Variants in FCAMR observed in about 807,000 individuals in gnomAD.
FCAMR encodes the protein high affinity immunoglobulin alpha and immunoglobulin mu Fc receptor.
In FCAMR, 51 loss-of-function variants were observed where a neutral mutation model predicts 52.2. The ratio of observed to expected loss-of-function variants is 0.98; its 90% CI spans 0.78 to 1.23. The LOEUF is 1.23. Among genes scored for constraint, FCAMR ranks in the 50% most tolerant of loss-of-function variants. The pLI is 0.00. For synonymous variants in FCAMR, 282 were observed against 262.0 expected, an observed-to-expected ratio of 1.08 and a Z score of -0.74; for missense variants, 719 against 712.6, an observed-to-expected ratio of 1.01 and a Z score of -0.10.
chr1:206,961,370 A>G lies in FCAMR; in HGVS notation c.653-147T>C, dbSNP rs973163836. 5 of 638,500 alleles carry G rather than the reference A, an allele frequency of 7.8e-6. No homozygotes were observed. The African/African-American group carries it at 9.1e-5, about 12-fold the overall frequency. The allele number at this position is 638,500 out of a possible 1,614,324, so 39.6% of individuals were successfully genotyped here. A position where few individuals can be genotyped will look rare whatever the true frequency, so the allele number is the denominator to read the frequency against. On this transcript the variant is annotated intron_variant, in intron 5 of 7. Coordinates refer to ENST00000324852, the MANE Select transcript of FCAMR (RefSeq NM_001170631.2). The stretch of plus-strand genomic sequence containing the variant: ...CTTTGACCAATAGGTTGGATAAAAT[A>G]AAAAATAGGAAAATGTTTCATTCTC...
intron 1 of FCAMR, among the ~76,000 whole-genome samples, chr1:206,969,837 A>G (rs112877657): frequency 3.8e-4 from 58 of 152,234 alleles, no homozygotes; most frequent in African/African-American, 1.0e-3. Flanking sequence ...TTCTCTTTCT[A>G]ACGTTTTTTT....
intron 1 of FCAMR, among the ~76,000 whole-genome samples, chr1:206,968,361 G>T (rs1558028532): frequency 6.6e-6 from 1 of 152,216 alleles, no homozygotes; most frequent in East Asian, 1.9e-4. Context: ...AAAAGACAGA[G>T]ATTGTACATT....
intron 6 of FCAMR, chr1:206,960,114 G>T: frequency 4.1e-6 from 2 of 493,360 alleles, no homozygotes; most frequent in Non-Finnish European, 3.6e-6. Flanking sequence ...TTTCCTTGTG[G>T]CTTCAGTGCA....
chr1:206,963,798 C>T (rs1680601425), intron 4 of FCAMR, among the ~76,000 whole-genome samples: 1 of 152,208 alleles, frequency 6.6e-6, no homozygotes, highest in South Asian at 2.1e-4. Flanking sequence ...ATGACCAAGG[C>T]TGCCTCTTTT....
rs1680489807 is a variant in FCAMR, at chr1:206,961,012, C to A, written c.864G>T (p.Arg288Ser). Residue 288 changes from arginine to serine, a missense_variant, in exon 6 of 8, where the codon AGG (arginine) becomes AGT (serine). Physicochemically the swap from Arg to Ser is moderately radical, Grantham distance 110. Transcript: ENST00000324852. ...AEGRRTPGAT[R>S]PAAPGTGSWA... is the part of the protein sequence containing the mutation. ...AGCTGCCTGTCCCTGGAGCTGCTGG[C>A]CTGGTTGCTCCTGGGGTTCGTCTTC... 6.4e-7 allele frequency: 1 copy of A among 1,551,752 alleles called. No homozygotes were observed. The highest frequency in any genetic ancestry group is 8.7e-7 in the Non-Finnish European group (1 of 1,147,044).
rs973715261 is a variant in FCAMR at position 206,960,508 on chromosome 1, A to T, written c.1368T>A (p.Thr456=). 2 of 1,551,420 alleles carry T rather than the reference A, an allele frequency of 1.3e-6. No individual in the cohort carries two copies. The highest frequency in any genetic ancestry group is 1.7e-6 in the Non-Finnish European group (2 of 1,146,878). The part of the protein sequence containing the change: ...GSAAGDLDAA[T]GDRGPQATLS... ...GTGTTGCTTGGGGACCTCTGTCTCC[A>T]GTGGCAGCATCTAGGTCCCCTGCAG... The change falls in exon 6 of 8, where the codon ACT becomes ACA. Residue 456 remains threonine, a synonymous_variant. Coordinates refer to ENST00000324852, the MANE Select transcript of FCAMR (RefSeq NM_001170631.2).
chr1:206,961,184 C>T lies in FCAMR; in HGVS notation c.692G>A (p.Gly231Glu), dbSNP rs1419513842. Residue 231 changes from glycine (G) to glutamate (E), a missense_variant, in exon 6 of 8, where the codon GGG (glycine) becomes GAG (glutamate). Coordinates refer to ENST00000324852, the MANE Select transcript of FCAMR (RefSeq NM_001170631.2). ...TCCATAGGATCTCATGGTGAGCTCC[C>T]CAGCAGCTGGAGTGGCTGTGGGGAG... ...STLPTATPAA[G>E]ELTMRSYGTA... 1 of 1,551,202 alleles carries T rather than the reference C, an allele frequency of 6.4e-7. No individual in the cohort carries two copies. Among genetic ancestry groups the T allele is most frequent in the Admixed American group, 2.0e-5 (1 of 50,964 alleles).
In FCAMR at chr1:206,962,456, G is replaced by A; in HGVS notation, c.409C>T (p.His137Tyr). Residue 137 changes from histidine (H) to tyrosine (Y), a missense_variant, in exon 5 of 8, where the codon CAC (histidine) becomes TAC (tyrosine). Coordinates refer to ENST00000324852, the MANE Select transcript of FCAMR (RefSeq NM_001170631.2). Reference sequence around the variant, plus strand: ...AGACGGCACCAGTACTTCCTCTGGTGCCTGTTGACAGATGAGGGGGCATAA... The same window carrying A: ...AGACGGCACCAGTACTTCCTCTGGTACCTGTTGACAGATGAGGGGGCATAA... ...CHYAPSSVNR[H>Y]QRKYWCRLGP... is the part of the protein sequence containing the mutation. The A allele has an allele frequency of 1.2e-6, 2 of 1,613,878 alleles. No individual in the cohort carries two copies. Among genetic ancestry groups the A allele is most frequent in the Non-Finnish European group, 1.7e-6 (2 of 1,179,774 alleles).
chr1:206,958,460 G>T lies in FCAMR; in HGVS notation c.*56C>A. 3 of 1,520,982 alleles carry T rather than the reference G, an allele frequency of 2.0e-6. No homozygotes were observed. Among genetic ancestry groups the T allele is most frequent in the East Asian group, 2.3e-5 (1 of 42,956 alleles). The allele number at this position is 1,520,982 out of a possible 1,614,324, so 94.2% of individuals were successfully genotyped here. On this transcript the variant is annotated 3_prime_UTR_variant, in exon 8 of 8. Coordinates refer to ENST00000324852, the MANE Select transcript of FCAMR (RefSeq NM_001170631.2). ...GATGGAAAGAGGCTGGGGTCCTGAA[G>T]GCCTTTGATCTTGGTCCTTCTCCCA...
chr1:206,965,672 G>A (rs1008976785), intron 4 of FCAMR, 43 bp downstream of exon 4: 1 of 1,517,170 alleles, frequency 6.6e-7, no homozygotes, highest in East Asian at 2.4e-5. Flanking sequence ...AGCCTGGGAA[G>A]TCTGAGGTCC....
In FCAMR at chr1:206,958,346, A is replaced by T. The variant is rs1558021392; in HGVS notation, c.*170T>A. ...CACCTTTGGACGTGGATAATGCTTG[A>T]CTTTCTTGGGCCCAAGGACAGCCAG... On this transcript the variant is annotated 3_prime_UTR_variant, in exon 8 of 8. Transcript: ENST00000324852. 75 of 697,546 alleles carry T rather than the reference A, an allele frequency of 1.1e-4. No homozygotes were observed. Among genetic ancestry groups the T allele is most frequent in the Non-Finnish European group, 9.3e-6 (4 of 429,310 alleles). 43.2% of individuals were successfully genotyped at this position (697,546 alleles called of 1,614,324 possible).
rs571268969 is a variant in FCAMR, at chr1:206,958,484, C to G, written c.*32G>C. ...AGGCCTTTGATCTTGGTCCTTCTCCCATGGTAACTGAGCAGTTCATCTCTC... is the reference window on the plus strand; with the variant it reads ...AGGCCTTTGATCTTGGTCCTTCTCCGATGGTAACTGAGCAGTTCATCTCTC... On this transcript the variant is annotated 3_prime_UTR_variant, in exon 8 of 8. Coordinates refer to ENST00000324852, the MANE Select transcript of FCAMR (RefSeq NM_001170631.2). The G allele has an allele frequency of 7.6e-6, 12 of 1,585,542 alleles. No individual in the cohort carries two copies. Among genetic ancestry groups the G allele is most frequent in the South Asian group, 4.6e-5 (4 of 87,140 alleles).
chr1:206,960,128 C>T (rs1226410547), intron 6 of FCAMR: 3 of 498,610 alleles, frequency 6.0e-6, no homozygotes, highest in South Asian at 3.4e-5. Flanking sequence ...CAGTGCATCA[C>T]CCCCTCTCTC....
intron 1 of FCAMR, among the ~76,000 whole-genome samples, chr1:206,968,466 G>C (rs1048938979): frequency 6.6e-6 from 1 of 152,204 alleles, no homozygotes; most frequent in Non-Finnish European, 1.5e-5. Context: ...CTGTTTCTGA[G>C]ACCTATAGAT....
Position 206,962,482 on chromosome 1 carries a change from T to C in FCAMR, c.383A>G (p.His128Arg), listed in dbSNP as rs1411400069. 6.2e-7 allele frequency: 1 copy of C among 1,610,022 alleles called. No individual in the cohort carries two copies. Among genetic ancestry groups the C allele is most frequent in the Admixed American group, 1.7e-5 (1 of 59,932 alleles). The change falls in exon 5 of 8, where the codon CAT (histidine) becomes CGT (arginine). Residue 128 changes from histidine (H) to arginine (R), a missense_variant. His to Arg is a conservative substitution (Grantham distance 29). Coordinates refer to ENST00000324852, the MANE Select transcript of FCAMR (RefSeq NM_001170631.2). ...CCTGTTGACAGATGAGGGGGCATAA[T>C]GGCACTGGATGGTGACAGCTCCTCC... Reference protein sequence around the residue: ...EPGGAVTIQCHYAPSSVNRHQ... With the variant: ...EPGGAVTIQCRYAPSSVNRHQ...
intron 5 of FCAMR, 50 bp from the exon 6 acceptor site, chr1:206,961,273 A>C (rs541351315): frequency 2.1e-6 from 3 of 1,455,458 alleles, no homozygotes; most frequent in Admixed American, 5.2e-5. Context: ...CAGGCCACCT[A>C]CTGGATTTGG....
Position 206,970,235 on chromosome 1 carries a change from T to C in FCAMR, c.-110A>G, listed in dbSNP as rs1424258612. ...AAACCTGGAGACTGAGAAGTCAAGGTGGTATTTTGGAAAGCAGCTGGAGCT... is the reference window on the plus strand; with the variant it reads ...AAACCTGGAGACTGAGAAGTCAAGGCGGTATTTTGGAAAGCAGCTGGAGCT... On this transcript the variant is annotated 5_prime_UTR_variant, in exon 1 of 8. Coordinates refer to ENST00000324852, the MANE Select transcript of FCAMR (RefSeq NM_001170631.2). The C allele has an allele frequency of 7.6e-7, 1 of 1,324,220 alleles. No homozygotes were observed. The highest frequency in any genetic ancestry group is 1.1e-6 in the Non-Finnish European group (1 of 941,392). The allele number at this position is 1,324,220 out of a possible 1,614,324, so 82.0% of individuals were successfully genotyped here.
chr1:206,967,661 G>T lies in FCAMR; in HGVS notation c.40-10C>A. 1 of 1,613,930 alleles carries T rather than the reference G, an allele frequency of 6.2e-7. No individual in the cohort carries two copies. The highest frequency in any genetic ancestry group is 8.5e-7 in the Non-Finnish European group (1 of 1,179,824). Reference sequence around the variant, plus strand: ...CTCTCCTCACCACTTCCTGTTTGCAGAAGGGGAATTGGTTTTTTCAAGGGA... The same window carrying T: ...CTCTCCTCACCACTTCCTGTTTGCATAAGGGGAATTGGTTTTTTCAAGGGA... On this transcript the variant is annotated splice_polypyrimidine_tract_variant and intron_variant, in intron 1 of 7. Coordinates refer to ENST00000324852, the MANE Select transcript of FCAMR (RefSeq NM_001170631.2).
Position 206,960,415 on chromosome 1 carries a change from G to A in FCAMR, c.1454+7C>T, listed in dbSNP as rs2102616675. 1.4e-6 allele frequency: 2 copies of A among 1,478,662 alleles called. No homozygotes were observed. The highest frequency in any genetic ancestry group is 1.8e-6 in the Non-Finnish European group (2 of 1,114,920). The allele number at this position is 1,478,662 out of a possible 1,614,324, so 91.6% of individuals were successfully genotyped here. A position where few individuals can be genotyped will look rare whatever the true frequency, so the allele number is the denominator to read the frequency against. ...CCCCCCAACCGGGAGAAGGTGCCTG[G>A]GGTTACCGCTTCACGGAGGACTCCT... On this transcript the variant is annotated splice_region_variant and intron_variant, in intron 6 of 7. Transcript: ENST00000324852.
Sources: allele counts gnomAD v4.1 joint callset (sites outside exome capture counted in the v4.1 genomes callset), GRCh38; gene constraint gnomAD v4.1.1; transcripts MANE v1.5; gene names NCBI Gene and HGNC (gene_info 2026-07-23, HGNC 2026-07-21).